PATJ: variants seen among roughly 807,000 people sequenced by gnomAD.
PATJ encodes inaD-like protein.
Under a neutral mutation model 224.9 loss-of-function variants are expected in PATJ, and 190 were observed. The observed-to-expected ratio is 0.84, with a 90% CI of 0.75 to 0.95. The LOEUF (loss-of-function observed/expected upper bound fraction) is 0.95. Among genes scored for constraint, PATJ ranks in the 40% least tolerant of loss-of-function variants. The pLI is 0.00. For synonymous variants in PATJ, 769 were observed against 820.3 expected (o/e 0.94, Z 1.07); for missense variants, 2,121 against 2,270.3 (o/e 0.93, Z 1.34).
chr1:61,998,042 TTA>T (rs1217451387), intron 28 of PATJ, among the ~76,000 whole-genome samples: 4,613 of 129,394 alleles, frequency 0.036, 274 homozygotes, highest in African/African-American at 0.1. Flanking sequence ...TATATATTTA[TTA>T]TATATATTAT....
At chr1:62,098,594 CA>C (rs111316760) in intron 33 of PATJ, among the ~76,000 whole-genome samples, 2,120 of 138,838 alleles carry the variant, frequency 0.015, 24 homozygotes, top group Non-Finnish European at 0.024. Context: ...GACCGTGTCT[CA>C]AAAAAAAAAA....
In PATJ at chr1:61,861,588, C is replaced by G. The variant is rs751135790; in HGVS notation, c.2360C>G (p.Ser787Ter). 1 of 1,471,146 alleles carries G rather than the reference C, an allele frequency of 6.8e-7. No individual in the cohort carries two copies. The highest frequency in any genetic ancestry group is 2.4e-5 in the Admixed American group (1 of 41,006). 91.1% of individuals were successfully genotyped at this position (1,471,146 alleles called of 1,614,324 possible). A position where few individuals can be genotyped will look rare whatever the true frequency, so the allele number is the denominator to read the frequency against. The change falls in exon 19 of 44, where the codon TCA (serine) becomes TGA (stop). Residue 787 changes from serine to a stop codon, truncating the protein, a stop_gained. Transcript: ENST00000642238. LOFTEE classifies it high-confidence loss of function. ...NEEESCYILH[S>*]SSNEDKTEFS... ...GAAGAAAGTTGTTATATTTTACATTCAAGCAGTAATGAAGACAAGACTGAA... is the reference window on the plus strand; with the variant it reads ...GAAGAAAGTTGTTATATTTTACATTGAAGCAGTAATGAAGACAAGACTGAA...
intron 43 of PATJ, among the ~76,000 whole-genome samples, chr1:62,156,572 T>G (rs762327049): frequency 6.6e-6 from 1 of 151,024 alleles, no homozygotes; most frequent in Non-Finnish European, 1.5e-5. Context: ...TTATTATTAT[T>G]TAAATAGTCC....
At chr1:61,795,340 G>T (rs1650850224) in intron 9 of PATJ, 127 bp from the exon 10 acceptor site, 1 of 505,486 alleles carries the variant, frequency 2.0e-6, no homozygotes, top group Non-Finnish European at 3.6e-6. Flanking sequence ...TTCTCTGCTT[G>T]TGTTCAAAAT....
intron 26 of PATJ, among the ~76,000 whole-genome samples, chr1:61,926,277 A>G (rs1452803110): frequency 6.6e-6 from 1 of 152,200 alleles, no homozygotes; most frequent in African/African-American, 2.4e-5. Context: ...CACATGCAGT[A>G]TCTGGCAATC....
rs1439804296 is a variant in PATJ at position 61,875,270 on chromosome 1, C to G, written c.2863C>G (p.Leu955Val). 3.1e-6 allele frequency: 5 copies of G among 1,603,958 alleles called. No homozygotes were observed. Among genetic ancestry groups the G allele is most frequent in the Middle Eastern group, 1.7e-4 (1 of 6,044 alleles). Reference protein sequence around the residue: ...VMKENFVMESLPSVPSTEGNS... With the variant: ...VMKENFVMESVPSVPSTEGNS... ...GAAAGAAAATTTTGTCATGGAGTCCCTACCATCTGTACCATCAACTGAAGG... is the reference window on the plus strand; with the variant it reads ...GAAAGAAAATTTTGTCATGGAGTCCGTACCATCTGTACCATCAACTGAAGG... The change falls in exon 21 of 44, where the codon CTA (leucine) becomes GTA (valine). Residue 955 changes from leucine to valine, a missense_variant. Physicochemically the swap from Leu to Val is conservative, Grantham distance 32. Coordinates refer to ENST00000642238, the MANE Select transcript of PATJ (RefSeq NM_001350145.3).
At chr1:61,825,491 A>C (rs917700029) in intron 15 of PATJ, among the ~76,000 whole-genome samples, 2 of 150,856 alleles carry the variant, frequency 1.3e-5, no homozygotes, top group South Asian at 4.3e-4. Flanking sequence ...AAACTCCTGA[A>C]CTCAAAGTGT....
chr1:61,985,761 G>T (rs12093294), intron 27 of PATJ, among the ~76,000 whole-genome samples: 2 of 151,722 alleles, frequency 1.3e-5, no homozygotes, highest in African/African-American at 2.4e-5. Context: ...AATGGTTCCC[G>T]CCAGAGGACT....
Position 62,162,949 on chromosome 1 carries a change from A to G in PATJ, c.*1895A>G, listed in dbSNP as rs1210447430. The G allele has an allele frequency of 9.8e-6, 4 of 409,052 alleles. No individual in the cohort carries two copies. Among genetic ancestry groups the G allele is most frequent in the South Asian group, 1.7e-5 (1 of 57,602 alleles). The allele number at this position is 409,052 out of a possible 1,614,324, so 25.3% of individuals were successfully genotyped here. A position where few individuals can be genotyped will look rare whatever the true frequency, so the allele number is the denominator to read the frequency against. On this transcript the variant is annotated 3_prime_UTR_variant, in exon 44 of 44. Transcript: ENST00000642238. Reference sequence around the variant, plus strand: ...GTGACAGAGCAAGACTCTGTCTCGAAAAAGAAAAAAAACCATGAAGGATGA... The same window carrying G: ...GTGACAGAGCAAGACTCTGTCTCGAGAAAGAAAAAAAACCATGAAGGATGA...
At position 62,161,361 on chromosome 1, in the gene PATJ, C is replaced by T. The variant is rs12562124; in HGVS notation, c.*307C>T. On this transcript the variant is annotated 3_prime_UTR_variant, in exon 44 of 44. Transcript: ENST00000642238. ...TTTTTTTTTTTTTTTTTTTTTGAGA[C>T]GGAGTCTCACTCTGTCACCCAGGCT... 24,953 of 154,248 alleles carry T rather than the reference C, an allele frequency of 0.16. 3,657 individuals carry two copies. Among genetic ancestry groups the T allele is most frequent in the East Asian group, 0.6 (3,346 of 5,548 alleles). The allele number at this position is 154,248 out of a possible 1,614,324, so 9.6% of individuals were successfully genotyped here. A position where few individuals can be genotyped will look rare whatever the true frequency, so the allele number is the denominator to read the frequency against.
chr1:62,054,874 G>A (rs1183191209), intron 31 of PATJ, among the ~76,000 whole-genome samples: 4 of 151,996 alleles, frequency 2.6e-5, no homozygotes, highest in Non-Finnish European at 5.9e-5. Context: ...GGCCAACATG[G>A]TGAAACCCCA....
At chr1:62,139,106 A>AAAAG (rs1374639254) in intron 41 of PATJ, among the ~76,000 whole-genome samples, 1 of 152,078 alleles carries the variant, frequency 6.6e-6, no homozygotes, top group East Asian at 1.9e-4. Context: ...TTACTTTTAA[A>AAAAG]AAAGAGCAAA....
At chr1:61,958,477 A>C (rs1347391772) in intron 27 of PATJ, among the ~76,000 whole-genome samples, 1 of 152,202 alleles carries the variant, frequency 6.6e-6, no homozygotes, top group East Asian at 1.9e-4. Context: ...AATATTTGCA[A>C]AATATCTATA....
At chr1:61,859,565 T>TTC (rs1287164054) in intron 18 of PATJ, among the ~76,000 whole-genome samples, 2 of 151,414 alleles carry the variant, frequency 1.3e-5, no homozygotes, top group Non-Finnish European at 2.9e-5. Flanking sequence ...CTCTCTCCCC[T>TTC]TCTCTCTCTC....
At chr1:61,901,563 TAC>T (rs903769942) in intron 24 of PATJ, 104 bp downstream of exon 24, 72 of 768,128 alleles carry the variant, frequency 9.4e-5, no homozygotes, top group Non-Finnish European at 1.2e-4. Flanking sequence ...ACCGTGTGTG[TAC>T]AGTTGGTGTG....
chr1:62,012,876 A>G (rs1646535142), intron 28 of PATJ, among the ~76,000 whole-genome samples: 1 of 152,048 alleles, frequency 6.6e-6, no homozygotes, highest in South Asian at 2.1e-4. Context: ...CTATCCAGAG[A>G]TCAGCATTTT....
intron 43 of PATJ, among the ~76,000 whole-genome samples, chr1:62,156,975 C>T (rs1669287902): frequency 6.6e-6 from 1 of 151,598 alleles, no homozygotes; most frequent in South Asian, 2.1e-4. Context: ...AAATCTATAC[C>T]TTTCAAAATT....
intron 27 of PATJ, among the ~76,000 whole-genome samples, chr1:61,933,080 T>G (rs1676269004): frequency 6.6e-6 from 1 of 152,192 alleles, no homozygotes; most frequent in Non-Finnish European, 1.5e-5. Flanking sequence ...GTCTTATAAT[T>G]GAACTCTGGT....
chr1:61,856,983 A>G (rs182911550), intron 18 of PATJ, among the ~76,000 whole-genome samples: 2 of 152,338 alleles, frequency 1.3e-5, no homozygotes. Flanking sequence ...CCTTGCAGCT[A>G]TAGCATTTTA....
Sources: allele counts gnomAD v4.1 joint callset (sites outside exome capture counted in the v4.1 genomes callset), GRCh38; gene constraint gnomAD v4.1.1; transcripts MANE v1.5; gene names NCBI Gene and HGNC (gene_info 2026-07-23, HGNC 2026-07-21).